Variants in HIVEP3 observed in about 807,000 individuals in gnomAD.
HIVEP3 encodes transcription factor HIVEP3.
HIVEP3 carries 49 observed loss-of-function variants against 152.8 expected under a neutral mutation model. The ratio of observed to expected loss-of-function variants is 0.32; its 90% CI spans 0.26 to 0.41. The LOEUF (loss-of-function observed/expected upper bound fraction) is 0.41. Among genes scored for constraint, HIVEP3 ranks in the 10% least tolerant of loss-of-function variants. The probability of loss-of-function intolerance (pLI) is 1.00; values close to 1 mark genes in which losing one functional copy is unlikely to be tolerated. For missense variants in HIVEP3, 2,790 were observed against 3,103.3 expected (o/e 0.90, Z 2.40); for synonymous variants, 1,269 against 1,289.0 (o/e 0.98, Z 0.33).
chr1:41,718,497 G>A (rs766784278), intron 1 of HIVEP3, among the ~76,000 whole-genome samples: 56 of 152,208 alleles, frequency 3.7e-4, no homozygotes, highest in Admixed American at 3.3e-3. Context: ...TTATTAGTGA[G>A]ACTTCAATAA....
chr1:41,924,546 G>A (rs764478921), intron 1 of HIVEP3, among the ~76,000 whole-genome samples: 9 of 151,960 alleles, frequency 5.9e-5, no homozygotes, highest in South Asian at 2.1e-4. Context: ...GAGTTGTTAC[G>A]GCCCTACCAC....
rs1347896378 is a variant in HIVEP3 at position 41,583,861 on chromosome 1, T to C, written c.937A>G (p.Ser313Gly). 1.2e-6 allele frequency: 2 copies of C among 1,612,678 alleles called. No individual in the cohort carries two copies. Reference sequence around the variant, plus strand: ...TGGCTGGAACTGTGGCTCCCAGAGCTGTATAGCCCGCTGGAGAGAAGGGGC... The same window carrying C: ...TGGCTGGAACTGTGGCTCCCAGAGCCGTATAGCCCGCTGGAGAGAAGGGGC... Reference protein sequence around the residue: ...KQPLLSSGLYSSGSHSSSHER... With the variant: ...KQPLLSSGLYGSGSHSSSHER... The change falls in exon 4 of 9, where the codon AGC (serine) becomes GGC (glycine). Residue 313 changes from serine to glycine, a missense_variant. Coordinates refer to ENST00000372583, the MANE Select transcript of HIVEP3 (RefSeq NM_024503.5). This position sits in a 1 kb window ranked among gnomAD's most constrained non-coding sequence, Gnocchi z 6.9.
At chr1:41,725,838 C>T (rs1406464074) in intron 1 of HIVEP3, among the ~76,000 whole-genome samples, 1 of 152,214 alleles carries the variant, frequency 6.6e-6, no homozygotes, top group East Asian at 1.9e-4. Flanking sequence ...ACCCAAGCTG[C>T]ATTACTTTTG....
intron 3 of HIVEP3, among the ~76,000 whole-genome samples, chr1:41,614,860 A>C (rs2149135628): frequency 6.6e-6 from 1 of 152,192 alleles, no homozygotes; most frequent in East Asian, 1.9e-4. Flanking sequence ...GAAAAAACAA[A>C]GCTCTTCTTG....
At chr1:41,825,779 G>A (rs1172339228) in intron 1 of HIVEP3, among the ~76,000 whole-genome samples, 2 of 151,586 alleles carry the variant, frequency 1.3e-5, no homozygotes, top group Non-Finnish European at 1.5e-5. Context: ...GCTAAGTTTT[G>A]TATTTTTTTG....
At chr1:41,950,005 T>C (rs1272513845) in intron 1 of HIVEP3, among the ~76,000 whole-genome samples, 3 of 152,140 alleles carry the variant, frequency 2.0e-5, no homozygotes, top group Non-Finnish European at 4.4e-5. Context: ...CAGGACTACC[T>C]GGATTTCCTA....
chr1:41,538,332 A>T (rs1643448442), intron 5 of HIVEP3, among the ~76,000 whole-genome samples: 1 of 152,102 alleles, frequency 6.6e-6, no homozygotes, highest in African/African-American at 2.4e-5. Context: ...GAGGACCTAG[A>T]TATGAGACAG....
intron 1 of HIVEP3, among the ~76,000 whole-genome samples, chr1:41,813,327 G>A (rs758861873): frequency 6.6e-6 from 1 of 152,156 alleles, no homozygotes; most frequent in Non-Finnish European, 1.5e-5. Flanking sequence ...AACACTAGGC[G>A]CCAATCTTGC....
intron 3 of HIVEP3, among the ~76,000 whole-genome samples, chr1:41,605,108 TAAAA>T (rs76841605): frequency 1.2e-5 from 1 of 83,972 alleles, no homozygotes. Flanking sequence ...CTGTCTCCAA[TAAAA>T]AAAAAAAAAA....
intron 1 of HIVEP3, among the ~76,000 whole-genome samples, chr1:41,957,548 T>C (rs1645146369): frequency 6.6e-6 from 1 of 152,114 alleles, no homozygotes; most frequent in Non-Finnish European, 1.5e-5. Context: ...TGGGAGAACA[T>C]CATCATGCAA....
intron 2 of HIVEP3, among the ~76,000 whole-genome samples, chr1:41,695,982 G>A (rs1051404598): frequency 1.3e-5 from 2 of 152,124 alleles, no homozygotes; most frequent in Admixed American, 6.6e-5. Context: ...ATCTTGCTGT[G>A]TGACCTCCAG....
intron 1 of HIVEP3, among the ~76,000 whole-genome samples, chr1:41,758,250 C>T (rs992683075): frequency 6.6e-6 from 1 of 151,990 alleles, no homozygotes; most frequent in Non-Finnish European, 1.5e-5. Flanking sequence ...GGAGTGAGAA[C>T]CCTCATAAGA....
At chr1:41,697,455 C>T (rs79162327) in intron 2 of HIVEP3, among the ~76,000 whole-genome samples, 445 of 152,300 alleles carry the variant, frequency 2.9e-3, no homozygotes, top group African/African-American at 0.01. Context: ...CTTAGCTCTG[C>T]GGGGCTCATG....
chr1:41,788,261 G>A (rs1289462586), intron 1 of HIVEP3, among the ~76,000 whole-genome samples: 2 of 152,214 alleles, frequency 1.3e-5, no homozygotes, highest in African/African-American at 2.4e-5. Flanking sequence ...GAACGCAGGA[G>A]GGGAGCAGAC....
chr1:41,999,920 T>TA (rs1266257468), intron 1 of HIVEP3, among the ~76,000 whole-genome samples: 1 of 151,940 alleles, frequency 6.6e-6, no homozygotes, highest in Non-Finnish European at 1.5e-5. Flanking sequence ...TATGAGGCCA[T>TA]ATTAGGGAAT....
chr1:41,926,967 G>A (rs1402013417), intron 1 of HIVEP3, among the ~76,000 whole-genome samples: 6 of 152,262 alleles, frequency 3.9e-5, no homozygotes, highest in Non-Finnish European at 2.9e-5. Flanking sequence ...ACACTAGAAA[G>A]TTTGAGGCAG....
intron 3 of HIVEP3, among the ~76,000 whole-genome samples, chr1:41,596,934 T>C (rs1459870065): frequency 6.6e-5 from 10 of 152,228 alleles, no homozygotes; most frequent in Non-Finnish European, 1.2e-4. Context: ...CAAGTCACTC[T>C]GCATGACCAT....
intron 1 of HIVEP3, among the ~76,000 whole-genome samples, chr1:42,030,812 C>A (rs898606578): frequency 6.6e-6 from 1 of 152,200 alleles, no homozygotes. Context: ...TATCAGCCAG[C>A]AGTTGACAAT....
In HIVEP3 at chr1:41,729,180, G is replaced by A. The variant is rs1646801948; in HGVS notation, c.-800-28185C>T. ...CCCAAGGTGGCTGTGGGAATAAAAC[G>A]AGATCCTGGGGGAAGCAGAGAGCCC... On this transcript the variant is annotated intron_variant, in intron 1 of 8. Transcript: ENST00000372583. Among the ~76,000 whole-genome samples, 3 of 152,186 alleles carry A rather than the reference G, an allele frequency of 2.0e-5. No individual in the cohort carries two copies. The South Asian group carries it at 6.2e-4, about 31-fold the overall frequency.
Sources: gnomAD v4.1 joint callset for allele counts (sites outside exome capture counted in the v4.1 genomes callset) on GRCh38, gnomAD v4.1.1 for gene constraint, Gnocchi (gnomAD v3.1) non-coding constraint, MANE v1.5 for transcripts, NCBI Gene and HGNC (gene_info 2026-07-23, HGNC 2026-07-21) for gene names.